MCF2L: variants seen among roughly 807,000 people sequenced by gnomAD.
MCF2L encodes guanine nucleotide exchange factor DBS.
Under a neutral mutation model 153.4 loss-of-function variants are expected in MCF2L, and 97 were observed. That is an observed-to-expected ratio of 0.63 (90% CI 0.54 to 0.75). MCF2L has a LOEUF of 0.75. Among genes scored for constraint, MCF2L ranks in the 30% least tolerant of loss-of-function variants. The probability of loss-of-function intolerance (pLI) is 0.00; values close to 1 mark genes in which losing one functional copy is unlikely to be tolerated. For missense variants in MCF2L, 1,347 were observed against 1,495.2 expected (o/e 0.90, Z 1.64); for synonymous variants, 659 against 632.2 (o/e 1.04, Z -0.64).
At chr13:113,092,601 A>G (rs1379428763) in intron 26 of MCF2L, among the ~76,000 whole-genome samples, 2 of 152,222 alleles carry the variant, frequency 1.3e-5, no homozygotes, top group Non-Finnish European at 1.5e-5. Flanking sequence ...TGGTGACTCC[A>G]ATGAGCAAAG....
chr13:112,916,629 T>C (rs1372811430), intron 2 of MCF2L, among the ~76,000 whole-genome samples: 2 of 152,274 alleles, frequency 1.3e-5, no homozygotes, highest in South Asian at 2.1e-4. Context: ...GTGGCTGTCA[T>C]GTGTGCCGAG....
chr13:112,900,095 C>G (rs549920816), intron 1 of MCF2L, among the ~76,000 whole-genome samples: 1 of 152,146 alleles, frequency 6.6e-6, no homozygotes, highest in Non-Finnish European at 1.5e-5. Flanking sequence ...GGTTTCAGAT[C>G]ACGATCAGCC....
upstream of MCF2L, among the ~76,000 whole-genome samples, chr13:112,967,174 G>A (rs2081904138): frequency 8.5e-6 from 1 of 117,104 alleles, no homozygotes; most frequent in South Asian, 2.6e-4. Flanking sequence ...GAGGGGCAGG[G>A]TTGGGGTGGG....
intron 2 of MCF2L, among the ~76,000 whole-genome samples, chr13:113,015,305 C>T (rs2141201769): frequency 6.6e-6 from 1 of 152,334 alleles, no homozygotes; most frequent in East Asian, 1.9e-4. Context: ...TCCCAGCACC[C>T]CTGTGTGGGT....
chr13:113,075,884 A>G lies in MCF2L; in HGVS notation c.1309-82A>G, dbSNP rs552960077. 100 of 1,144,262 alleles carry G rather than the reference A, an allele frequency of 8.7e-5. 1 individual carries two copies. In the African/African-American group the frequency reaches 1.3e-3, roughly 15 times the overall value. The allele number at this position is 1,144,262 out of a possible 1,614,324, so 70.9% of individuals were successfully genotyped here. A position where few individuals can be genotyped will look rare whatever the true frequency, so the allele number is the denominator to read the frequency against. ...GTGGCCCGGGATCTGTCGGGAGGAC[A>G]CCCCGGCAGTGTGTGCCTGGACAGG... On this transcript the variant is annotated intron_variant, in intron 11 of 29. Transcript: ENST00000535094.
At chr13:112,985,704 A>G (rs771143116) in intron 1 of MCF2L, among the ~76,000 whole-genome samples, 1 of 152,140 alleles carries the variant, frequency 6.6e-6, no homozygotes, top group Non-Finnish European at 1.5e-5. Flanking sequence ...TGTCACAGTT[A>G]CCAAAAGCAA....
Position 113,035,207 on chromosome 13 carries a change from ACT to A in MCF2L, c.279-10061_279-10060del, listed in dbSNP as rs1594774792. On this transcript the variant is annotated intron_variant, in intron 3 of 29. Transcript: ENST00000535094. The surrounding 1 kb of genome is among the most constrained non-coding windows in gnomAD (Gnocchi z 4.4). ...GAAACTGGGGCGGCTTCTCTGGGTG[ACT>A]CTGACGCTCTCATTGCTTCACGTTT... Among the ~76,000 whole-genome samples the A allele has an allele frequency of 6.6e-6, 1 of 152,024 alleles. No individual in the cohort carries two copies. Among genetic ancestry groups the A allele is most frequent in the East Asian group, 1.9e-4 (1 of 5,184 alleles).
chr13:113,026,090 C>T (rs142789178), intron 3 of MCF2L, among the ~76,000 whole-genome samples: 6 of 27,820 alleles, frequency 2.2e-4, no homozygotes, highest in South Asian at 3.5e-3. Flanking sequence ...GACTGTGGGT[C>T]GGGGCAGAGT....
At chr13:112,909,307 C>T (rs1207883281) in intron 2 of MCF2L, 1 of 779,780 alleles carries the variant, frequency 1.3e-6, no homozygotes, top group East Asian at 2.4e-5. Flanking sequence ...TCGGGAGGCA[C>T]TCGGCAGTGT....
chr13:113,032,370 G>A (rs559107794), intron 3 of MCF2L, among the ~76,000 whole-genome samples: 1 of 152,314 alleles, frequency 6.6e-6, no homozygotes, highest in East Asian at 1.9e-4. Context: ...GCATTAAAAA[G>A]TGAAGCTTCC....
At chr13:112,919,205 ATTTTTT>A (rs11431408) in intron 2 of MCF2L, among the ~76,000 whole-genome samples, 1 of 125,666 alleles carries the variant, frequency 8.0e-6, no homozygotes, top group Non-Finnish European at 1.6e-5. Context: ...AAGAATTTGC[ATTTTTT>A]TTTTTTTTTT....
chr13:113,081,300 G>T (rs768662372), intron 16 of MCF2L, 21 bp downstream of exon 16: 3 of 1,569,118 alleles, frequency 1.9e-6, no homozygotes, highest in Non-Finnish European at 2.6e-6. Context: ...ACTCGGGGAG[G>T]GCCGACTGCC....
At chr13:113,014,705 C>A in intron 1 of MCF2L, 58 bp from the exon 2 acceptor site, 8 of 1,488,800 alleles carry the variant, frequency 5.4e-6, no homozygotes, top group Non-Finnish European at 6.5e-6. Flanking sequence ...CGGGTGGGCG[C>A]TTGCAGGGTG....
chr13:113,004,656 G>A (rs567555344), intron 1 of MCF2L, among the ~76,000 whole-genome samples: 4 of 152,354 alleles, frequency 2.6e-5, no homozygotes, highest in African/African-American at 9.6e-5. Context: ...GAGAGAGAAA[G>A]CAACTGCCCA....
At chr13:112,975,606 G>A (rs912817913) in intron 1 of MCF2L, among the ~76,000 whole-genome samples, 16 of 152,326 alleles carry the variant, frequency 1.1e-4, no homozygotes, top group Middle Eastern at 3.4e-3. Flanking sequence ...GCGGGTACCC[G>A]CCATGAGCAC....
At position 113,070,032 on chromosome 13, in the gene MCF2L, A is replaced by G; in HGVS notation, c.882-27A>G. 2 of 1,564,164 alleles carry G rather than the reference A, an allele frequency of 1.3e-6. No individual in the cohort carries two copies. ...TTGCATGGGGCGCCGTGGGCCACAC[A>G]GACGGTCAACTCCTCCTCTTTCCCA... On this transcript the variant is annotated intron_variant, in intron 8 of 29. Coordinates refer to ENST00000535094, the MANE Select transcript of MCF2L (RefSeq NM_001112732.3). This position sits in a 1 kb window ranked among gnomAD's most constrained non-coding sequence, Gnocchi z 5.6.
At chr13:112,898,799 G>A (rs774255166) in intron 1 of MCF2L, among the ~76,000 whole-genome samples, 2 of 151,996 alleles carry the variant, frequency 1.3e-5, no homozygotes, top group African/African-American at 4.8e-5. Flanking sequence ...TTCTCTCCTC[G>A]GGATCCCTCC....
At chr13:113,010,211 G>A (rs1327759765) in intron 1 of MCF2L, 5 of 151,784 alleles carry the variant, frequency 3.3e-5, no homozygotes, top group Non-Finnish European at 7.4e-5. Context: ...GGCTGGAAGG[G>A]GTGCCTGGGA....
intron 2 of MCF2L, among the ~76,000 whole-genome samples, chr13:112,919,505 A>T (rs888142276): frequency 6.6e-6 from 1 of 152,196 alleles, no homozygotes; most frequent in Non-Finnish European, 1.5e-5. Context: ...GCGCCCGGCC[A>T]GAATTTGCAA....
Sources: allele counts gnomAD v4.1 joint callset (sites outside exome capture counted in the v4.1 genomes callset), GRCh38; gene constraint gnomAD v4.1.1; non-coding constraint Gnocchi (gnomAD v3.1); transcripts MANE v1.5; gene names NCBI Gene and HGNC (gene_info 2026-07-23, HGNC 2026-07-21).